JPH3: variants seen among roughly 807,000 people sequenced by gnomAD.
The protein encoded by JPH3 is junctophilin 3, also known as junctophilin-3.
A neutral mutation model predicts 59.6 loss-of-function variants in JPH3; 11 were observed. The observed-to-expected ratio is 0.18, with a 90% CI of 0.12 to 0.31. The LOEUF is 0.31. JPH3 is among the 10% of genes least tolerant of loss of function. JPH3 has a pLI of 1.00. For synonymous variants in JPH3, 673 were observed against 483.6 expected, an observed-to-expected ratio of 1.39 and a Z score of -5.14; for missense variants, 1,202 against 1,105.7, an observed-to-expected ratio of 1.09 and a Z score of -1.24.
chr16:87,668,290 G>T (rs1438187152), intron 2 of JPH3, among the ~76,000 whole-genome samples: 1 of 152,104 alleles, frequency 6.6e-6, no homozygotes, highest in Non-Finnish European at 1.5e-5. Flanking sequence ...CTTGTTTTTC[G>T]TGGTCCATGT....
chr16:87,611,347 G>C lies in JPH3; in HGVS notation c.382+7819G>C, dbSNP rs191508865. 4.3e-4 allele frequency among the ~76,000 whole-genome samples: 65 copies of C among 152,344 alleles called. No individual in the cohort carries two copies. The highest frequency in any genetic ancestry group is 1.4e-3 in the African/African-American group (58 of 41,586). On this transcript the variant is annotated intron_variant, in intron 1 of 4. Coordinates refer to ENST00000284262, the MANE Select transcript of JPH3 (RefSeq NM_020655.4). The surrounding 1 kb of genome is among the most constrained non-coding windows in gnomAD (Gnocchi z 4.5). ...CGGCAGAGGCTTCTGGGGGTAGGCA[G>C]TGCCTGAGTTGAGTCTGGAAGGGCA...
At chr16:87,689,001 C>T (rs530026948) in intron 3 of JPH3, among the ~76,000 whole-genome samples, 94 of 152,254 alleles carry the variant, frequency 6.2e-4, no homozygotes, top group African/African-American at 2.1e-3. Context: ...ACTGAGCCAC[C>T]GGCAGACGAC....
At chr16:87,688,204 C>T (rs1002787646) in intron 3 of JPH3, among the ~76,000 whole-genome samples, 42 of 152,126 alleles carry the variant, frequency 2.8e-4, no homozygotes, top group Admixed American at 1.2e-3. Flanking sequence ...CACCCACACC[C>T]CCGTGTGACA....
chr16:87,657,545 G>A (rs2032545790), intron 2 of JPH3, among the ~76,000 whole-genome samples: 1 of 152,166 alleles, frequency 6.6e-6, no homozygotes, highest in Non-Finnish European at 1.5e-5. Context: ...AAAGTGGCAA[G>A]TTTTATGTTA....
intron 1 of JPH3, among the ~76,000 whole-genome samples, chr16:87,625,945 G>A (rs113573002): frequency 0.012 from 1,815 of 152,310 alleles, 17 homozygotes; most frequent in African/African-American, 0.025. Flanking sequence ...CCTGCACAGC[G>A]CACGTTCCAC....
intron 2 of JPH3, among the ~76,000 whole-genome samples, chr16:87,661,735 C>A (rs993764944): frequency 6.6e-6 from 1 of 152,224 alleles, no homozygotes; most frequent in Non-Finnish European, 1.5e-5. Flanking sequence ...GAGTTCCCCG[C>A]AGGCCGCCAC....
intron 2 of JPH3, among the ~76,000 whole-genome samples, chr16:87,646,420 C>T (rs1440262992): frequency 1.3e-5 from 2 of 152,244 alleles, no homozygotes; most frequent in African/African-American, 4.8e-5. Context: ...CCTGCTCCCT[C>T]AGAAATGTTC....
Position 87,689,785 on chromosome 16 carries a change from C to T in JPH3, c.1425C>T (p.Ser475=), listed in dbSNP as rs751693764. ...TTPSDLTPDD[S]PLQSFPTSPA... is the part of the protein sequence containing the mutation. ...CCTCCGACCTGACCCCCGACGACAG[C>T]CCCCTGCAGAGCTTCCCCACCAGCC... Residue 475 remains serine (S), a synonymous_variant, in exon 4 of 5, where the codon AGC becomes AGT. Transcript: ENST00000284262. 3.1e-6 allele frequency: 5 copies of T among 1,605,800 alleles called. No homozygotes were observed. The highest frequency in any genetic ancestry group is 4.3e-6 in the Non-Finnish European group (5 of 1,176,148).
intron 2 of JPH3, among the ~76,000 whole-genome samples, chr16:87,658,476 C>T (rs796639170): frequency 9.9e-5 from 15 of 151,806 alleles, no homozygotes; most frequent in African/African-American, 3.4e-4. Flanking sequence ...TATTTTTCTC[C>T]ATCACTCTTT....
intron 3 of JPH3, 197 bp downstream of exon 3, chr16:87,684,463 A>C: frequency 1.3e-6 from 1 of 761,638 alleles, no homozygotes; most frequent in Non-Finnish European, 2.1e-6. Context: ...CCCGGGACAC[A>C]GGACATGTGT....
intron 1 of JPH3, among the ~76,000 whole-genome samples, chr16:87,606,724 C>G (rs1000892463): frequency 1.3e-5 from 2 of 152,082 alleles, no homozygotes; most frequent in Non-Finnish European, 2.9e-5. Flanking sequence ...TATTATTTAC[C>G]GTTAGTTTTT....
At chr16:87,645,197 T>G (rs566323264) in intron 2 of JPH3, among the ~76,000 whole-genome samples, 162 bp downstream of exon 2, 1 of 152,324 alleles carries the variant, frequency 6.6e-6, no homozygotes, top group African/African-American at 2.4e-5. Flanking sequence ...TAGGGTTCCC[T>G]GGAGGTTCTC....
chr16:87,686,818 A>T (rs2033430217), intron 3 of JPH3, among the ~76,000 whole-genome samples: 3 of 152,168 alleles, frequency 2.0e-5, no homozygotes, highest in African/African-American at 7.2e-5. Context: ...TGTCTTCATG[A>T]TACAGATGCG....
At chr16:87,602,485 T>G (rs1238846922), upstream of JPH3, among the ~76,000 whole-genome samples, 253 of 114,388 alleles carry the variant, frequency 2.2e-3, no homozygotes, top group African/African-American at 6.5e-3. Context: ...GCGGGCGGGG[T>G]GCGGGCGCGC....
intron 2 of JPH3, among the ~76,000 whole-genome samples, chr16:87,676,143 GTCT>G (rs1472924122): frequency 6.6e-6 from 1 of 152,208 alleles, no homozygotes; most frequent in Non-Finnish European, 1.5e-5. Context: ...TGTAATTGCT[GTCT>G]TCTTAGAACG....
chr16:87,648,957 G>C (rs1348407120), intron 2 of JPH3, among the ~76,000 whole-genome samples: 1 of 152,300 alleles, frequency 6.6e-6, no homozygotes, highest in African/African-American at 2.4e-5. Flanking sequence ...TGTCTGGTGT[G>C]GGTGCTGCCG....
In JPH3 at chr16:87,690,505, G is replaced by C. The variant is rs1055757535; in HGVS notation, c.2145G>C (p.Gly715=). Residue 715 remains glycine (G), a synonymous_variant, in exon 4 of 5, where the codon GGG becomes GGC. Transcript: ENST00000284262. ...PVALESDEEN[G]DELKSSTGSA... Reference sequence around the variant, plus strand: ...CTCTAGAGTCCGACGAGGAGAATGGGGATGAGCTCAAGTCCAGTACGGTGA... The same window carrying C: ...CTCTAGAGTCCGACGAGGAGAATGGCGATGAGCTCAAGTCCAGTACGGTGA... 6.7e-5 allele frequency: 99 copies of C among 1,482,714 alleles called. No homozygotes were observed. The highest frequency in any genetic ancestry group is 1.8e-4 in the Middle Eastern group (1 of 5,572). 91.8% of individuals were successfully genotyped at this position (1,482,714 alleles called of 1,614,324 possible). A position where few individuals can be genotyped will look rare whatever the true frequency, so the allele number is the denominator to read the frequency against.
At chr16:87,685,682 G>A (rs1285362900) in intron 3 of JPH3, among the ~76,000 whole-genome samples, 1 of 152,266 alleles carries the variant, frequency 6.6e-6, no homozygotes, top group Non-Finnish European at 1.5e-5. Flanking sequence ...AATGCACGTA[G>A]GACGGCATGG....
At position 87,647,714 on chromosome 16, in the gene JPH3, C is replaced by T. The variant is rs146411408; in HGVS notation, c.1160+2679C>T. Reference sequence around the variant, plus strand: ...CACACACGGCTCTGCACACCACTCACGGCCTCCTCACCGCTGTGCACAGCC... The same window carrying T: ...CACACACGGCTCTGCACACCACTCATGGCCTCCTCACCGCTGTGCACAGCC... On this transcript the variant is annotated intron_variant, in intron 2 of 4. Transcript: ENST00000284262. Among the ~76,000 whole-genome samples, 67 of 152,320 alleles carry T rather than the reference C, an allele frequency of 4.4e-4. No individual in the cohort carries two copies. In the East Asian group the frequency reaches 4.6e-3, roughly 11 times the overall value.
Sources: allele counts gnomAD v4.1 joint callset (sites outside exome capture counted in the v4.1 genomes callset), GRCh38; gene constraint gnomAD v4.1.1; non-coding constraint Gnocchi (gnomAD v3.1); transcripts MANE v1.5; gene names NCBI Gene and HGNC (gene_info 2026-07-23, HGNC 2026-07-21).